Variants in GRIN3A observed in about 807,000 individuals in gnomAD.
The protein encoded by GRIN3A is glutamate receptor ionotropic, NMDA 3A.
A neutral mutation model predicts 92.4 loss-of-function variants in GRIN3A; 47 were observed. The observed-to-expected ratio is 0.51, with a 90% CI of 0.40 to 0.65. GRIN3A has a LOEUF of 0.65. Ranked by LOEUF, GRIN3A falls within the 30% of genes least tolerant of loss-of-function variation. GRIN3A has a pLI of 0.00. For missense variants in GRIN3A, 1,324 were observed against 1,393.1 expected, an observed-to-expected ratio of 0.95 and a Z score of 0.79; for synonymous variants, 527 against 540.6, an observed-to-expected ratio of 0.97 and a Z score of 0.35.
Position 101,671,182 on chromosome 9 carries a change from T to C in GRIN3A, c.1305-75A>G, listed in dbSNP as rs540503741. 3.0e-6 allele frequency: 3 copies of C among 1,002,552 alleles called. No individual in the cohort carries two copies. The African/African-American group carries it at 4.7e-5, about 16-fold the overall frequency. The allele number at this position is 1,002,552 out of a possible 1,614,324, so 62.1% of individuals were successfully genotyped here. ...GATAGGAAGCAGTGTTCAGCTTTGC[T>C]TCCTTGTCTTAATAAAAATAAATTC... is the stretch of plus-strand genomic sequence containing the variant. On this transcript the variant is annotated intron_variant, in intron 2 of 8. Coordinates refer to ENST00000361820, the MANE Select transcript of GRIN3A (RefSeq NM_133445.3).
At chr9:101,580,088 G>A (rs1827869992) in intron 6 of GRIN3A, among the ~76,000 whole-genome samples, 1 of 152,184 alleles carries the variant, frequency 6.6e-6, no homozygotes, top group East Asian at 1.9e-4. Flanking sequence ...AACTGCACAT[G>A]TGCATGTATC....
Position 101,582,778 on chromosome 9 carries a change from T to G in GRIN3A, c.2767-3418A>C, listed in dbSNP as rs757864185. On this transcript the variant is annotated intron_variant, in intron 6 of 8. Transcript: ENST00000361820. The stretch of plus-strand genomic sequence containing the variant: ...TGAGCAGATGGGCCCTGCTTTTTTA[T>G]AAGACACTGCCAAGATGAGGAGGAA... 7.2e-5 allele frequency among the ~76,000 whole-genome samples: 11 copies of G among 152,310 alleles called. No individual in the cohort carries two copies. In the South Asian group the frequency reaches 1.5e-3, roughly 20 times the overall value.
rs139758690 is a variant in GRIN3A at position 101,670,171 on chromosome 9, G to T, written c.2241C>A (p.Asn747Lys). Reference sequence around the variant, plus strand: ...AAAACATACAGAAAATGGCCCAAAGGTTCATTAGAAACCTTCCAGTCCAAC... The same window carrying T: ...AAAACATACAGAAAATGGCCCAAAGTTTCATTAGAAACCTTCCAGTCCAAC... ...PKCWTGRFLM[N>K]LWAIFCMFCL... The change falls in exon 3 of 9, where the codon AAC becomes AAA. Residue 747 changes from asparagine (N) to lysine (K), a missense_variant. Physicochemically the swap from Asn to Lys is moderately conservative, Grantham distance 94. Coordinates refer to ENST00000361820, the MANE Select transcript of GRIN3A (RefSeq NM_133445.3). The T allele has an allele frequency of 1.3e-5, 21 of 1,613,700 alleles. No homozygotes were observed. The highest frequency in any genetic ancestry group is 6.6e-5 in the South Asian group (6 of 91,078).
At position 101,667,180 on chromosome 9, in the gene GRIN3A, T is replaced by G. The variant is rs868566894; in HGVS notation, c.2352+2880A>C. ...TATACTTCGTATTACCTATATACTT[T>G]ATACTATATACCTATATACTTTATA... On this transcript the variant is annotated intron_variant, in intron 3 of 8. Transcript: ENST00000361820. Among the ~76,000 whole-genome samples the G allele has an allele frequency of 2.0e-5, 3 of 152,002 alleles. No homozygotes were observed. In the South Asian group the frequency reaches 6.2e-4, roughly 31 times the overall value.
rs1042343949 is a variant in GRIN3A, at chr9:101,572,254, A to T, written c.*920T>A. Reference sequence around the variant, plus strand: ...GTGTGGTGTGTAGAACATTTCACCCACAGTGTCACATATTCCATTATAGGC... The same window carrying T: ...GTGTGGTGTGTAGAACATTTCACCCTCAGTGTCACATATTCCATTATAGGC... On this transcript the variant is annotated 3_prime_UTR_variant, in exon 9 of 9. Transcript: ENST00000361820. 1.3e-5 allele frequency: 2 copies of T among 152,620 alleles called. No individual in the cohort carries two copies. Among genetic ancestry groups the T allele is most frequent in the African/African-American group, 4.8e-5 (2 of 41,438 alleles). The allele number at this position is 152,620 out of a possible 1,614,324, so 9.5% of individuals were successfully genotyped here. A position where few individuals can be genotyped will look rare whatever the true frequency, so the allele number is the denominator to read the frequency against.
In GRIN3A at chr9:101,617,205, TA is replaced by T. The variant is rs61141843; in HGVS notation, c.2615-3679del. Among the ~76,000 whole-genome samples the T allele has an allele frequency of 3.6e-3, 381 of 107,136 alleles. 2 individuals carry two copies. Among genetic ancestry groups the T allele is most frequent in the Middle Eastern group, 0.017 (3 of 180 alleles). 70.3% of individuals were successfully genotyped at this position (107,136 alleles called of 152,430 possible). A position where few individuals can be genotyped will look rare whatever the true frequency, so the allele number is the denominator to read the frequency against. On this transcript the variant is annotated intron_variant, in intron 5 of 8. Coordinates refer to ENST00000361820, the MANE Select transcript of GRIN3A (RefSeq NM_133445.3). ...ATGGGCGACAGAGCGAGACTCCGTC[TA>T]AAAAAAAAAAAAAAAAAAAAGAAAA...
At chr9:101,674,197 A>G (rs941551835) in intron 2 of GRIN3A, among the ~76,000 whole-genome samples, 11 of 152,136 alleles carry the variant, frequency 7.2e-5, no homozygotes, top group Admixed American at 6.5e-5. Flanking sequence ...AGTGAAGACA[A>G]CAAGGAGGCA....
At chr9:101,712,034 T>A (rs1273049869) in intron 1 of GRIN3A, among the ~76,000 whole-genome samples, 2 of 152,202 alleles carry the variant, frequency 1.3e-5, no homozygotes, top group Non-Finnish European at 2.9e-5. Context: ...TTCAGCTTTA[T>A]GGGGCTACCC....
chr9:101,605,527 T>C (rs1258853680), intron 6 of GRIN3A, among the ~76,000 whole-genome samples: 2 of 152,212 alleles, frequency 1.3e-5, no homozygotes, highest in Non-Finnish European at 2.9e-5. Flanking sequence ...ACGAGGTTAA[T>C]AGACATCTTC....
chr9:101,584,368 A>G (rs1342631756), intron 6 of GRIN3A, among the ~76,000 whole-genome samples: 2 of 152,224 alleles, frequency 1.3e-5, no homozygotes, highest in Admixed American at 6.5e-5. Context: ...ATTAGTATAT[A>G]TTTACTACAC....
chr9:101,640,371 T>A (rs1258165268), intron 3 of GRIN3A, among the ~76,000 whole-genome samples: 1 of 152,228 alleles, frequency 6.6e-6, no homozygotes, highest in African/African-American at 2.4e-5. Context: ...ACTTTCCTTC[T>A]TCTTTCTTTG....
intron 2 of GRIN3A, among the ~76,000 whole-genome samples, chr9:101,671,667 T>C (rs922055329): frequency 6.6e-6 from 1 of 152,162 alleles, no homozygotes; most frequent in East Asian, 1.9e-4. Context: ...TGTTTCTTCT[T>C]GTGGAATGAA....
chr9:101,667,285 T>C (rs577765437), intron 3 of GRIN3A, among the ~76,000 whole-genome samples: 23 of 151,942 alleles, frequency 1.5e-4, no homozygotes, highest in Non-Finnish European at 3.2e-4. Context: ...ATATAAAGTA[T>C]TACCTCCAAG....
chr9:101,721,352 G>A (rs1830010758), intron 1 of GRIN3A, among the ~76,000 whole-genome samples: 1 of 152,200 alleles, frequency 6.6e-6, no homozygotes, highest in Non-Finnish European at 1.5e-5. Context: ...ATGTGGAACT[G>A]TAGGTTCAAT....
intron 6 of GRIN3A, among the ~76,000 whole-genome samples, chr9:101,610,787 G>A (rs778282337): frequency 2.6e-5 from 4 of 152,076 alleles, no homozygotes; most frequent in Non-Finnish European, 4.4e-5. Flanking sequence ...AGTATTTGAG[G>A]AAGAGGCTGG....
intron 3 of GRIN3A, among the ~76,000 whole-genome samples, chr9:101,655,916 C>T (rs1829083887): frequency 6.6e-6 from 1 of 151,918 alleles, no homozygotes; most frequent in Non-Finnish European, 1.5e-5. Flanking sequence ...TTCCACTTAA[C>T]AGCATTCAAT....
intron 7 of GRIN3A, among the ~76,000 whole-genome samples, chr9:101,578,661 CTGCT>C (rs1450011136): frequency 1.3e-5 from 2 of 152,200 alleles, no homozygotes; most frequent in Admixed American, 1.3e-4. Flanking sequence ...AGTCACCAGT[CTGCT>C]TGACAGTTTC....
intron 1 of GRIN3A, among the ~76,000 whole-genome samples, chr9:101,735,677 T>C (rs1216744570): frequency 6.6e-6 from 1 of 151,932 alleles, no homozygotes; most frequent in Non-Finnish European, 1.5e-5. Context: ...AAGCAAGTGA[T>C]GCTGACTCCT....
intron 6 of GRIN3A, among the ~76,000 whole-genome samples, chr9:101,586,427 C>G (rs990263136): frequency 6.6e-6 from 1 of 151,892 alleles, no homozygotes; most frequent in Non-Finnish European, 1.5e-5. Flanking sequence ...CATAATTTCC[C>G]CCACCCCCGA....
Sources: allele counts gnomAD v4.1 joint callset (sites outside exome capture counted in the v4.1 genomes callset), GRCh38; gene constraint gnomAD v4.1.1; transcripts MANE v1.5; gene names NCBI Gene and HGNC (gene_info 2026-07-23, HGNC 2026-07-21).